PDCD6IP: variants seen among roughly 807,000 people sequenced by gnomAD.
PDCD6IP encodes the protein programmed cell death 6 interacting protein, also known as programmed cell death 6-interacting protein.
Under a neutral mutation model 103.7 loss-of-function variants are expected in PDCD6IP, and 43 were observed. That is an observed-to-expected ratio of 0.41 (90% CI 0.32 to 0.53). The LOEUF (loss-of-function observed/expected upper bound fraction) is 0.53. PDCD6IP is among the 20% of genes least tolerant of loss of function. The probability of loss-of-function intolerance (pLI) is 0.16; values close to 1 mark genes in which losing one functional copy is unlikely to be tolerated. For missense variants in PDCD6IP, 871 were observed against 1,036.7 expected, an observed-to-expected ratio of 0.84 and a Z score of 2.20; for synonymous variants, 354 against 378.7, an observed-to-expected ratio of 0.93 and a Z score of 0.76.
intron 12 of PDCD6IP, among the ~76,000 whole-genome samples, chr3:33,851,942 C>G (rs1697723454): frequency 6.6e-6 from 1 of 152,178 alleles, no homozygotes; most frequent in Non-Finnish European, 1.5e-5. Context: ...CTATATCTCT[C>G]TCAGTCTCTC....
At chr3:33,850,388 C>T (rs1697687518) in intron 12 of PDCD6IP, among the ~76,000 whole-genome samples, 2 of 152,126 alleles carry the variant, frequency 1.3e-5, no homozygotes, top group South Asian at 4.2e-4. Flanking sequence ...AAAAAATGTT[C>T]ATGATTCAAA....
chr3:33,858,417 T>TCTAGTG (rs1472448822), intron 15 of PDCD6IP, among the ~76,000 whole-genome samples: 2 of 152,146 alleles, frequency 1.3e-5, no homozygotes, highest in Non-Finnish European at 2.9e-5. Flanking sequence ...GCCCTAGAGT[T>TCTAGTG]CTAGGTTGTA....
rs761026483 is a variant in PDCD6IP, at chr3:33,852,686, A to G, written c.1840A>G (p.Lys614Glu). ...LDRVYGGLTT[K>E]VQESLKKQEG... ...TCGAGTCTATGGAGGTCTTACAACT[A>G]AAGTCCAAGAATCTCTAAAGAAACA... The change falls in exon 13 of 18, where the codon AAA becomes GAA. Residue 614 changes from lysine to glutamate, a missense_variant. This residue lies in a region of PDCD6IP where 266 missense variants were observed against 390.5 expected (regional missense o/e 0.68). Coordinates refer to ENST00000307296, the MANE Select transcript of PDCD6IP (RefSeq NM_013374.6). 5.1e-5 allele frequency: 80 copies of G among 1,582,064 alleles called. No individual in the cohort carries two copies. Among genetic ancestry groups the G allele is most frequent in the Non-Finnish European group, 6.5e-5 (76 of 1,171,954 alleles).
chr3:33,807,404 C>T (rs1371770566), intron 1 of PDCD6IP, among the ~76,000 whole-genome samples: 1 of 152,222 alleles, frequency 6.6e-6, no homozygotes, highest in Admixed American at 6.5e-5. Flanking sequence ...GCTCCTGTCA[C>T]CCTGGCCAGT....
intron 17 of PDCD6IP, 124 bp from the exon 18 acceptor site, chr3:33,866,227 A>G: frequency 1.8e-6 from 1 of 569,404 alleles, no homozygotes; most frequent in Non-Finnish European, 2.9e-6. Context: ...TTTTCACTCC[A>G]CTGTTCTTTA....
chr3:33,846,371 G>A (rs1469595057), intron 12 of PDCD6IP, among the ~76,000 whole-genome samples: 1 of 152,146 alleles, frequency 6.6e-6, no homozygotes, highest in Non-Finnish European at 1.5e-5. Flanking sequence ...TCTGCTCTGT[G>A]TAAGGCACTA....
intron 1 of PDCD6IP, among the ~76,000 whole-genome samples, chr3:33,809,044 T>G (rs1030483818): frequency 6.6e-6 from 1 of 152,224 alleles, no homozygotes; most frequent in African/African-American, 2.4e-5. Context: ...CATGCTGTTT[T>G]AGAGTTAAAA....
intron 1 of PDCD6IP, chr3:33,799,194 G>C: frequency 1.8e-6 from 1 of 556,698 alleles, no homozygotes; most frequent in Non-Finnish European, 3.2e-6. Flanking sequence ...TCAGATACCT[G>C]GGAGCAGCAG....
chr3:33,800,019 C>T (rs1184947146), intron 1 of PDCD6IP, among the ~76,000 whole-genome samples: 6 of 146,806 alleles, frequency 4.1e-5, no homozygotes, highest in African/African-American at 7.7e-5. Flanking sequence ...ACTCGGGAGG[C>T]TGAGGCAGGA....
At chr3:33,804,079 A>G (rs904999183) in intron 1 of PDCD6IP, among the ~76,000 whole-genome samples, 10 of 152,218 alleles carry the variant, frequency 6.6e-5, no homozygotes, top group Non-Finnish European at 1.3e-4. Flanking sequence ...GGTGGTGAAC[A>G]TACTCTTTGC....
intron 7 of PDCD6IP, among the ~76,000 whole-genome samples, chr3:33,835,513 T>G (rs2125562342): frequency 6.6e-6 from 1 of 152,292 alleles, no homozygotes; most frequent in Non-Finnish European, 1.5e-5. Context: ...GATCAGGAGT[T>G]GGAGACTGGC....
In PDCD6IP at chr3:33,801,956, G is replaced by T. The variant is rs190103514; in HGVS notation, c.209+3019G>T. Among the ~76,000 whole-genome samples the T allele has an allele frequency of 6.6e-4, 100 of 152,220 alleles. 1 individual carries two copies. Among genetic ancestry groups the T allele is most frequent in the Non-Finnish European group, 3.2e-4 (22 of 68,020 alleles). Reference sequence around the variant, plus strand: ...AACAATCATGTATGCAGTCTATCAGGTACATCTATTTTTAGTATGACACCT... The same window carrying T: ...AACAATCATGTATGCAGTCTATCAGTTACATCTATTTTTAGTATGACACCT... On this transcript the variant is annotated intron_variant, in intron 1 of 17. Coordinates refer to ENST00000307296, the MANE Select transcript of PDCD6IP (RefSeq NM_013374.6).
chr3:33,798,988 G>T, intron 1 of PDCD6IP, 51 bp downstream of exon 1: 1 of 1,423,658 alleles, frequency 7.0e-7, no homozygotes, highest in Non-Finnish European at 9.5e-7. Flanking sequence ...GTCGCTCGCC[G>T]CTCCTCTTCC....
chr3:33,844,338 TCA>T (rs748424236), intron 11 of PDCD6IP, 115 bp downstream of exon 11: 728 of 537,926 alleles, frequency 1.4e-3, no homozygotes, highest in Non-Finnish European at 1.9e-3. Flanking sequence ...CTGTTTTTCC[TCA>T]GTTTTAGTAT....
At chr3:33,812,650 G>A (rs1696745766) in intron 2 of PDCD6IP, among the ~76,000 whole-genome samples, 2 of 152,146 alleles carry the variant, frequency 1.3e-5, no homozygotes, top group Non-Finnish European at 2.9e-5. Flanking sequence ...TTTAAAATTA[G>A]TGATACTTTT....
At chr3:33,831,488 AAAT>A (rs1697244363) in intron 7 of PDCD6IP, among the ~76,000 whole-genome samples, 1 of 152,178 alleles carries the variant, frequency 6.6e-6, no homozygotes, top group African/African-American at 2.4e-5. Flanking sequence ...ATAAAAGAAA[AAAT>A]AGTACTTAAT....
intron 7 of PDCD6IP, among the ~76,000 whole-genome samples, chr3:33,833,075 C>A (rs1697275640): frequency 6.6e-6 from 1 of 151,918 alleles, no homozygotes; most frequent in South Asian, 2.1e-4. Flanking sequence ...TATTTTACAA[C>A]TATCTCACGT....
intron 6 of PDCD6IP, chr3:33,828,554 T>A (rs1370309954): frequency 5.1e-6 from 1 of 195,572 alleles, no homozygotes; most frequent in Non-Finnish European, 1.0e-5. Flanking sequence ...TTTCTTTTTG[T>A]AAACAAAATG....
chr3:33,866,154 CTTTTG>C (rs1332972934), intron 17 of PDCD6IP, among the ~76,000 whole-genome samples, 192 bp from the exon 18 acceptor site: 1 of 151,944 alleles, frequency 6.6e-6, no homozygotes, highest in Admixed American at 6.6e-5. Flanking sequence ...ACTTGGTACT[CTTTTG>C]TTTTAATTAA....
Sources: gnomAD v4.1 joint callset for allele counts (sites outside exome capture counted in the v4.1 genomes callset) on GRCh38, gnomAD v4.1.1 for gene constraint, gnomAD v4.1.1 regional missense constraint, MANE v1.5 for transcripts, NCBI Gene and HGNC (gene_info 2026-07-23, HGNC 2026-07-21) for gene names.